Variants in RNF175 observed in about 807,000 individuals in gnomAD.
The protein encoded by RNF175 is ring finger protein 175.
In RNF175, 38 loss-of-function variants were observed where a neutral mutation model predicts 50.0. The ratio of observed to expected loss-of-function variants is 0.76; its 90% confidence interval spans 0.59 to 1.00. RNF175 has a LOEUF of 1.00. RNF175 is among the 50% of genes least tolerant of loss of function. The probability of loss-of-function intolerance (pLI) is 0.00; values close to 1 mark genes in which losing one functional copy is unlikely to be tolerated. For missense variants in RNF175, 388 were observed against 409.6 expected, an observed-to-expected ratio of 0.95 and a Z score of 0.46; for synonymous variants, 155 against 146.1, an observed-to-expected ratio of 1.06 and a Z score of -0.44.
chr4:153,723,119 C>A (rs534018624), intron 5 of RNF175: 2 of 283,840 alleles, frequency 7.0e-6, no homozygotes, highest in African/African-American at 2.1e-5. Flanking sequence ...ATTTGCAGAC[C>A]AAATATAAAT....
At position 153,726,357 on chromosome 4, in the gene RNF175, G is replaced by A. The variant is rs535276587; in HGVS notation, c.401+1850C>T. ...TGACCTCAGGCGATCCACCCACCTC[G>A]GCCTCCCAAAGTGCTGGGATTACAG... On this transcript the variant is annotated intron_variant, in intron 4 of 8. Transcript: ENST00000347063. Among the ~76,000 whole-genome samples the A allele has an allele frequency of 2.2e-3, 332 of 152,206 alleles. 4 individuals carry two copies. Among genetic ancestry groups the A allele is most frequent in the Non-Finnish European group, 3.3e-3 (224 of 67,998 alleles).
intron 3 of RNF175, among the ~76,000 whole-genome samples, chr4:153,734,451 C>T (rs1018656931): frequency 1.3e-5 from 2 of 151,944 alleles, no homozygotes; most frequent in Non-Finnish European, 2.9e-5. Context: ...ATGATGAGCT[C>T]CTTTTCATAT....
chr4:153,755,406 A>G (rs1486121964), intron 1 of RNF175, among the ~76,000 whole-genome samples: 2 of 152,368 alleles, frequency 1.3e-5, no homozygotes, highest in South Asian at 2.1e-4. Context: ...ACAGTCAAAG[A>G]TCACAAGACG....
intron 8 of RNF175, among the ~76,000 whole-genome samples, chr4:153,711,559 G>C (rs1341441995): frequency 1.3e-5 from 2 of 152,252 alleles, no homozygotes; most frequent in Non-Finnish European, 2.9e-5. Flanking sequence ...AGGAAGCAAG[G>C]AAGGTGATTC....
chr4:153,716,563 T>G (rs1737941941), intron 6 of RNF175, among the ~76,000 whole-genome samples: 1 of 152,226 alleles, frequency 6.6e-6, no homozygotes, highest in Non-Finnish European at 1.5e-5. Context: ...AGCTTTTTTT[T>G]TTCCAAAGAA....
chr4:153,720,174 C>T lies in RNF175; in HGVS notation c.630+10G>A, dbSNP rs771643504. ...CATACATGGTTTCAGAAAATGAAAG[C>T]AACACTTACCCCTATAGTGGAAGCC... On this transcript the variant is annotated intron_variant, in intron 6 of 8. Transcript: ENST00000347063. 6.2e-7 allele frequency: 1 copy of T among 1,612,386 alleles called. No individual in the cohort carries two copies. The highest frequency in any genetic ancestry group is 1.1e-5 in the South Asian group (1 of 90,894).
At chr4:153,739,565 T>C (rs1739537555) in intron 3 of RNF175, among the ~76,000 whole-genome samples, 2 of 152,238 alleles carry the variant, frequency 1.3e-5, no homozygotes, top group Admixed American at 6.5e-5. Context: ...AAAAAACACT[T>C]CTTACAGGTC....
At chr4:153,729,673 C>T in intron 3 of RNF175, 1 of 985,238 alleles carries the variant, frequency 1.0e-6, no homozygotes, top group Non-Finnish European at 1.2e-6. Context: ...CCCAGGCTCA[C>T]CATTCTCCTT....
chr4:153,726,103 TTTTTG>T (rs1485657728), intron 4 of RNF175, among the ~76,000 whole-genome samples: 1 of 151,070 alleles, frequency 6.6e-6, no homozygotes, highest in Admixed American at 6.6e-5. Context: ...GTGTGTTTTG[TTTTTG>T]TTTTGTTTTG....
chr4:153,732,238 A>C (rs12508771), intron 3 of RNF175, among the ~76,000 whole-genome samples: 73,085 of 151,684 alleles, frequency 0.48, 17,953 homozygotes, highest in Admixed American at 0.52. Flanking sequence ...TCTCAAAAAA[A>C]AAAAACAAAA....
intron 3 of RNF175, among the ~76,000 whole-genome samples, chr4:153,736,908 G>A (rs1188305075): frequency 2.0e-5 from 3 of 152,124 alleles, no homozygotes; most frequent in Admixed American, 2.0e-4. Context: ...GACCCAGGCT[G>A]GAATGCAGTG....
At chr4:153,712,109 A>G (rs1200309667) in intron 8 of RNF175, among the ~76,000 whole-genome samples, 2 of 152,082 alleles carry the variant, frequency 1.3e-5, no homozygotes, top group Non-Finnish European at 2.9e-5. Flanking sequence ...CAATTTTTCT[A>G]TTTATGCACC....
chr4:153,746,600 G>A (rs749976731), intron 3 of RNF175, among the ~76,000 whole-genome samples: 19 of 152,146 alleles, frequency 1.2e-4, no homozygotes, highest in Admixed American at 3.9e-4. Flanking sequence ...TCCGAGGCTG[G>A]AGTTGCATGC....
chr4:153,743,655 G>T (rs1206327967), intron 3 of RNF175, among the ~76,000 whole-genome samples: 1 of 152,108 alleles, frequency 6.6e-6, no homozygotes, highest in Non-Finnish European at 1.5e-5. Context: ...CCTCCAAGGT[G>T]ATCCTTAGGA....
At chr4:153,751,598 T>C in intron 1 of RNF175, 123 bp from the exon 2 acceptor site, 1 of 697,858 alleles carries the variant, frequency 1.4e-6, no homozygotes, top group Non-Finnish European at 2.4e-6. Context: ...TTTGAATAAT[T>C]TGGGATAAAA....
Position 153,728,206 on chromosome 4 carries a change from C to A in RNF175, c.401+1G>T, listed in dbSNP as rs1256595674. On this transcript the variant is annotated splice_donor_variant, in intron 4 of 8. Transcript: ENST00000347063. LOFTEE classifies it high-confidence loss of function. ...GGGGAAGGAATGTATGGAATACATA[C>A]CGTGGTGTCCTTCCTGAGAGGGGTT... 6.2e-7 allele frequency: 1 copy of A among 1,609,978 alleles called. No individual in the cohort carries two copies. The highest frequency in any genetic ancestry group is 1.3e-5 in the African/African-American group (1 of 74,704).
chr4:153,717,526 C>CACAA (rs1353891967), intron 6 of RNF175, among the ~76,000 whole-genome samples: 1 of 38,824 alleles, frequency 2.6e-5, no homozygotes, highest in Non-Finnish European at 1.0e-4. Flanking sequence ...CACACAGATA[C>CACAA]ACACACAAAC....
At chr4:153,759,121 C>T (rs1740699694) in intron 1 of RNF175, among the ~76,000 whole-genome samples, 1 of 152,192 alleles carries the variant, frequency 6.6e-6, no homozygotes, top group African/African-American at 2.4e-5. Context: ...CCCAAATCCT[C>T]CTGGTACCTG....
At chr4:153,715,489 G>C in intron 7 of RNF175, 40 bp downstream of exon 7, 2 of 1,550,496 alleles carry the variant, frequency 1.3e-6, no homozygotes, top group African/African-American at 1.4e-5. Flanking sequence ...GAAAGAAGGA[G>C]GCTTGATGAA....
Sources: gnomAD v4.1 joint callset for allele counts (sites outside exome capture counted in the v4.1 genomes callset) on GRCh38, gnomAD v4.1.1 for gene constraint, MANE v1.5 for transcripts, NCBI Gene and HGNC (gene_info 2026-07-23, HGNC 2026-07-21) for gene names.